Variants in RAD51AP1 observed in about 807,000 individuals in gnomAD.
RAD51AP1 encodes the protein RAD51-associated protein 1.
Under a neutral mutation model 34.3 loss-of-function variants are expected in RAD51AP1, and 14 were observed. The observed-to-expected ratio is 0.41, with a 90% CI of 0.27 to 0.64. The LOEUF is 0.64. RAD51AP1 is among the 30% of genes least tolerant of loss of function. The pLI is 0.33. For missense variants in RAD51AP1, 348 were observed against 386.9 expected (o/e 0.90, Z 0.84); for synonymous variants, 114 against 129.8 (o/e 0.88, Z 0.83).
intron 6 of RAD51AP1, among the ~76,000 whole-genome samples, chr12:4,549,517 A>G (rs1382431531): frequency 6.6e-6 from 1 of 152,200 alleles, no homozygotes; most frequent in South Asian, 2.1e-4. Flanking sequence ...TTTTATGTGC[A>G]TTATATTCTA....
intron 1 of RAD51AP1, among the ~76,000 whole-genome samples, chr12:4,540,789 T>A (rs2137239443): frequency 6.6e-6 from 1 of 152,272 alleles, no homozygotes; most frequent in South Asian, 2.1e-4. Flanking sequence ...ATAGTTTGCG[T>A]GAGGAAACAG....
At chr12:4,547,128 C>T (rs1378975443) in intron 4 of RAD51AP1, among the ~76,000 whole-genome samples, 1 of 152,208 alleles carries the variant, frequency 6.6e-6, no homozygotes, top group Non-Finnish European at 1.5e-5. Flanking sequence ...AATACAGTGG[C>T]ATGATCATGG....
At chr12:4,553,484 G>A (rs1295383411) in intron 7 of RAD51AP1, among the ~76,000 whole-genome samples, 2 of 152,198 alleles carry the variant, frequency 1.3e-5, no homozygotes, top group African/African-American at 2.4e-5. Flanking sequence ...TGAAGGGCTA[G>A]AATTTGAACC....
chr12:4,547,066 C>T lies in RAD51AP1; in HGVS notation c.319+648C>T, dbSNP rs546028367. On this transcript the variant is annotated intron_variant, in intron 4 of 8. Coordinates refer to ENST00000352618, the MANE Select transcript of RAD51AP1 (RefSeq NM_006479.5). The stretch of plus-strand genomic sequence containing the variant: ...TTTGTTTCTTAAATCAGTACTGCCT[C>T]CTTATTTATTTATTTATTTGAGACA... Among the ~76,000 whole-genome samples the T allele has an allele frequency of 1.0e-2, 1,486 of 148,750 alleles. 25 individuals are homozygous for T. The highest frequency in any genetic ancestry group is 0.036 in the African/African-American group (1,413 of 39,610).
chr12:4,555,099 T>G (rs1350947832), intron 7 of RAD51AP1, among the ~76,000 whole-genome samples: 1 of 152,142 alleles, frequency 6.6e-6, no homozygotes, highest in African/African-American at 2.4e-5. Flanking sequence ...TGTTCATGTT[T>G]ATATGTGTTG....
At chr12:4,557,640 T>A (rs1384716937) in intron 8 of RAD51AP1, among the ~76,000 whole-genome samples, 1 of 151,968 alleles carries the variant, frequency 6.6e-6, no homozygotes, top group Non-Finnish European at 1.5e-5. Flanking sequence ...CTATAGAAAT[T>A]TAAAAGTAGC....
Position 4,548,831 on chromosome 12 carries a change from C to T in RAD51AP1, c.551C>T (p.Ala184Val), listed in dbSNP as rs1944525761. The T allele has an allele frequency of 1.9e-6, 3 of 1,610,632 alleles. No homozygotes were observed. The African/African-American group carries it at 4.0e-5, about 22-fold the overall frequency. Reference protein sequence around the residue: ...DSANDTEPDFAPGEDSEDDSD... With the variant: ...DSANDTEPDFVPGEDSEDDSD... ...GCTAATGACACTGAACCAGACTTTG[C>T]ACCTGGTAGGTTTTATTCTACTTCG... Residue 184 changes from alanine to valine, a missense_variant, in exon 6 of 9, where the codon GCA (alanine) becomes GTA (valine). Coordinates refer to ENST00000352618, the MANE Select transcript of RAD51AP1 (RefSeq NM_006479.5).
chr12:4,555,089 T>C (rs1225205038), intron 7 of RAD51AP1, among the ~76,000 whole-genome samples: 1 of 152,068 alleles, frequency 6.6e-6, no homozygotes, highest in East Asian at 1.9e-4. Flanking sequence ...ACGGTGAAAA[T>C]GTTCATGTTT....
At position 4,556,522 on chromosome 12, in the gene RAD51AP1, A is replaced by G; in HGVS notation, c.871+20A>G. ...CACCAGGTATGGCATATTTATCATCAAGGACAGGAGCTTGGAAAATTATCA... is the reference window on the plus strand; with the variant it reads ...CACCAGGTATGGCATATTTATCATCGAGGACAGGAGCTTGGAAAATTATCA... On this transcript the variant is annotated intron_variant, in intron 8 of 8. Transcript: ENST00000352618. The G allele has an allele frequency of 6.2e-7, 1 of 1,608,796 alleles. No homozygotes were observed. Among genetic ancestry groups the G allele is most frequent in the South Asian group, 1.1e-5 (1 of 90,616 alleles).
At chr12:4,556,891 TCTGA>T (rs1276766354) in intron 8 of RAD51AP1, among the ~76,000 whole-genome samples, 3 of 152,232 alleles carry the variant, frequency 2.0e-5, no homozygotes, top group Non-Finnish European at 4.4e-5. Context: ...ACCTCCACAG[TCTGA>T]CTGAAGCCTT....
chr12:4,545,981 T>A, intron 3 of RAD51AP1: 1 of 958,950 alleles, frequency 1.0e-6, no homozygotes, highest in Non-Finnish European at 1.5e-6. Context: ...GGAAGTGATG[T>A]TTGAACCAAG....
intron 6 of RAD51AP1, among the ~76,000 whole-genome samples, chr12:4,549,269 G>A (rs899086284): frequency 2.0e-5 from 3 of 152,136 alleles, no homozygotes; most frequent in Non-Finnish European, 4.4e-5. Flanking sequence ...TTATTCTGAG[G>A]CAGAAGTGAT....
Position 4,556,417 on chromosome 12 carries a change from TTC to T in RAD51AP1, c.790_791del (p.Leu264ValfsTer6). The T allele has an allele frequency of 1.2e-6, 2 of 1,613,848 alleles. No homozygotes were observed. The highest frequency in any genetic ancestry group is 8.5e-7 in the Non-Finnish European group (1 of 1,179,730). The part of the protein sequence containing the change: ...SESQSLPKKV[S>X]LSSDTTRKPL... ...AATCTCAGTCCTTGCCAAAAAAGGT[TTC>T]TCTGTCTTCAGATACCACTAGGAAA... On this transcript the variant is annotated frameshift_variant, in exon 8 of 9. Transcript: ENST00000352618. LOFTEE classifies it high-confidence loss of function.
At chr12:4,556,692 T>G in intron 8 of RAD51AP1, 190 bp downstream of exon 8, 1 of 632,508 alleles carries the variant, frequency 1.6e-6, no homozygotes, top group East Asian at 2.9e-5. Context: ...GGTTTATTAT[T>G]TTTTCAGTGC....
In RAD51AP1 at chr12:4,555,431, A is replaced by G. The variant is rs114166448; in HGVS notation, c.722-922A>G. Among the ~76,000 whole-genome samples, 1,488 of 152,218 alleles carry G rather than the reference A, an allele frequency of 9.8e-3. 25 individuals are homozygous for G. The highest frequency in any genetic ancestry group is 0.034 in the African/African-American group (1,415 of 41,516). ...ACCATAATAACCTTCTAAGTAGCCT[A>G]CTTCTCCTACACTACCACCAGAAAG... On this transcript the variant is annotated intron_variant, in intron 7 of 8. Transcript: ENST00000352618.
rs142477448 is a variant in RAD51AP1 at position 4,546,382 on chromosome 12, A to G, written c.283A>G (p.Thr95Ala). The G allele has an allele frequency of 1.1e-5, 18 of 1,612,808 alleles. No homozygotes were observed. In the African/African-American group the frequency reaches 1.7e-4, roughly 16 times the overall value. Residue 95 changes from threonine to alanine, a missense_variant, in exon 4 of 9, where the codon ACA becomes GCA. Thr to Ala is a moderately conservative substitution (Grantham distance 58). Transcript: ENST00000352618. Reference sequence around the variant, plus strand: ...AGCTTTATCAGTGAAGGAACTTCCAACAGTCACCACTAATGTGCAGAACTC... The same window carrying G: ...AGCTTTATCAGTGAAGGAACTTCCAGCAGTCACCACTAATGTGCAGAACTC... ...ALALSVKELP[T>A]VTTNVQNSQD...
At chr12:4,542,625 G>T (rs992941249) in intron 2 of RAD51AP1, among the ~76,000 whole-genome samples, 1 of 151,624 alleles carries the variant, frequency 6.6e-6, no homozygotes, top group African/African-American at 2.4e-5. Context: ...AAATTGCCAG[G>T]TGTGTAGTAG....
Sources: allele counts gnomAD v4.1 joint callset (sites outside exome capture counted in the v4.1 genomes callset), GRCh38; gene constraint gnomAD v4.1.1; transcripts MANE v1.5; gene names NCBI Gene and HGNC (gene_info 2026-07-23, HGNC 2026-07-21).